The following TMEM245 variants were observed in gnomAD, a reference collection of about 807,000 sequenced individuals.
TMEM245 encodes transmembrane protein 245.
In TMEM245, 69 loss-of-function variants were observed where a neutral mutation model predicts 101.2. The observed-to-expected ratio is 0.68, with a 90% confidence interval of 0.56 to 0.83. The LOEUF (loss-of-function observed/expected upper bound fraction) is 0.83, where lower values mean the gene tolerates loss of function less well. Among genes scored for constraint, TMEM245 ranks in the 40% least tolerant of loss-of-function variants. The probability of loss-of-function intolerance (pLI) is 0.00; values close to 1 mark genes in which losing one functional copy is unlikely to be tolerated. For missense variants in TMEM245, 1,075 were observed against 1,092.8 expected, an observed-to-expected ratio of 0.98 and a Z score of 0.23; for synonymous variants, 537 against 449.8, an observed-to-expected ratio of 1.19 and a Z score of -2.45.
At chr9:109,047,445 T>C (rs1828533098) in intron 14 of TMEM245, among the ~76,000 whole-genome samples, 1 of 152,206 alleles carries the variant, frequency 6.6e-6, no homozygotes, top group African/African-American at 2.4e-5. Context: ...ATATAAGTCA[T>C]GATCTTCCCT....
intron 16 of TMEM245, among the ~76,000 whole-genome samples, chr9:109,035,128 G>C (rs1315296339): frequency 1.5e-5 from 2 of 129,978 alleles, no homozygotes; most frequent in African/African-American, 5.9e-5. Flanking sequence ...CTGCACTCCA[G>C]CCTGGGTGAT....
chr9:109,083,040 G>C (rs1431955255), intron 7 of TMEM245, among the ~76,000 whole-genome samples: 1 of 151,906 alleles, frequency 6.6e-6, no homozygotes, highest in African/African-American at 2.4e-5. Flanking sequence ...CAGTAAGAGA[G>C]AGGAAAGAGT....
chr9:109,045,425 A>G (rs1038057207), intron 14 of TMEM245, among the ~76,000 whole-genome samples: 1 of 152,334 alleles, frequency 6.6e-6, no homozygotes, highest in East Asian at 1.9e-4. Flanking sequence ...AACAGTGGTG[A>G]AACACAGAAA....
At chr9:109,076,153 C>T (rs1399394173) in intron 8 of TMEM245, among the ~76,000 whole-genome samples, 1 of 152,036 alleles carries the variant, frequency 6.6e-6, no homozygotes, top group Non-Finnish European at 1.5e-5. Context: ...CAATGATAGA[C>T]TGGATTAAGA....
chr9:109,087,745 T>G, intron 5 of TMEM245, among the ~76,000 whole-genome samples: 1 of 152,234 alleles, frequency 6.6e-6, no homozygotes, highest in Non-Finnish European at 1.5e-5. Context: ...TAGCTGTTCT[T>G]GTCAAATATT....
intron 16 of TMEM245, among the ~76,000 whole-genome samples, chr9:109,035,156 C>CAAAAAAA (rs778574292): frequency 5.8e-5 from 3 of 51,320 alleles, no homozygotes; most frequent in African/African-American, 1.4e-4. Context: ...GACTCTGTCT[C>CAAAAAAA]AAAAAAAAAA....
intron 1 of TMEM245, among the ~76,000 whole-genome samples, chr9:109,116,215 A>C (rs1297086160): frequency 1.3e-5 from 2 of 152,196 alleles, no homozygotes; most frequent in Admixed American, 1.3e-4. Context: ...CTCATGGTTA[A>C]AGTAGCCTAG....
At chr9:109,062,078 C>T (rs1162001582) in intron 10 of TMEM245, among the ~76,000 whole-genome samples, 4 of 152,182 alleles carry the variant, frequency 2.6e-5, no homozygotes, top group African/African-American at 9.7e-5. Flanking sequence ...GATCATGGCT[C>T]ACTGAAGCCT....
intron 17 of TMEM245, 67 bp downstream of exon 17, chr9:109,033,240 T>C: frequency 7.0e-7 from 1 of 1,432,960 alleles, no homozygotes; most frequent in Non-Finnish European, 9.3e-7. Context: ...TGAAGCTACT[T>C]ATCAAATACA....
In TMEM245 at chr9:109,093,383, T is replaced by C. The variant is rs1469846350; in HGVS notation, c.916+92A>G. 1.1e-5 allele frequency: 11 copies of C among 1,000,098 alleles called. No individual in the cohort carries two copies. The African/African-American group carries it at 1.8e-4, about 16-fold the overall frequency. 62.0% of individuals were successfully genotyped at this position (1,000,098 alleles called of 1,614,324 possible). ...TAAATGAAGGATCAGCAGGAGTAAG[T>C]AGCATTTTGTGATGCTGGTGTCCTG... On this transcript the variant is annotated intron_variant, in intron 4 of 17. Transcript: ENST00000374586.
At chr9:109,032,544 C>T (rs532206106) in intron 17 of TMEM245, among the ~76,000 whole-genome samples, 101 of 151,334 alleles carry the variant, frequency 6.7e-4, no homozygotes, top group African/African-American at 2.4e-3. Flanking sequence ...GCCACCACAT[C>T]TGGCTAATTT....
At chr9:109,064,003 G>A (rs1039816306) in intron 10 of TMEM245, among the ~76,000 whole-genome samples, 1 of 152,144 alleles carries the variant, frequency 6.6e-6, no homozygotes, top group Non-Finnish European at 1.5e-5. Flanking sequence ...ACGACCACTG[G>A]GAACTGACTC....
At chr9:109,088,815 C>CA (rs772216738) in intron 5 of TMEM245, among the ~76,000 whole-genome samples, 975 of 67,134 alleles carry the variant, frequency 0.015, 25 homozygotes, top group African/African-American at 0.046. Context: ...GACTACATCT[C>CA]AAAAAAAAAA....
intron 17 of TMEM245, among the ~76,000 whole-genome samples, chr9:109,027,506 C>A (rs1827824631): frequency 6.6e-6 from 1 of 152,134 alleles, no homozygotes; most frequent in African/African-American, 2.4e-5. Context: ...AGGCTGGCAG[C>A]CAGGCTTTTA....
intron 14 of TMEM245, among the ~76,000 whole-genome samples, chr9:109,043,349 T>G (rs1712993192): frequency 1.3e-5 from 2 of 152,222 alleles, no homozygotes; most frequent in Non-Finnish European, 2.9e-5. Context: ...ATGGTGCCAA[T>G]GGTCATTACC....
At chr9:109,064,856 G>A (rs948228718) in intron 9 of TMEM245, among the ~76,000 whole-genome samples, 4 of 152,014 alleles carry the variant, frequency 2.6e-5, no homozygotes, top group East Asian at 3.9e-4. Context: ...ATCTCGGCTC[G>A]GTGCAACCCT....
chr9:109,052,843 T>C (rs932050143), intron 12 of TMEM245, among the ~76,000 whole-genome samples: 1 of 152,156 alleles, frequency 6.6e-6, no homozygotes, highest in Non-Finnish European at 1.5e-5. Context: ...TGGGTTGCAC[T>C]GAGAGAAAAT....
At chr9:109,089,475 T>G (rs16913800) in intron 5 of TMEM245, among the ~76,000 whole-genome samples, 9,144 of 152,192 alleles carry the variant, frequency 0.06, 935 homozygotes, top group African/African-American at 0.21. Flanking sequence ...AAAAATCAGA[T>G]TACGTTTTAA....
chr9:109,036,413 A>C, intron 15 of TMEM245, 33 bp from the exon 16 acceptor site: 1 of 1,540,964 alleles, frequency 6.5e-7, no homozygotes. Context: ...ACAACTTAAC[A>C]TCATCAGCAA....
Sources: gnomAD v4.1 joint callset for allele counts (sites outside exome capture counted in the v4.1 genomes callset) on GRCh38, gnomAD v4.1.1 for gene constraint, MANE v1.5 for transcripts, NCBI Gene and HGNC (gene_info 2026-07-23, HGNC 2026-07-21) for gene names.